TPD52: variants seen among roughly 807,000 people sequenced by gnomAD.
The protein encoded by TPD52 is prostate and colon associated protein.
A neutral mutation model predicts 31.3 loss-of-function variants in TPD52; 17 were observed. The ratio of observed to expected loss-of-function variants is 0.54; its 90% CI spans 0.37 to 0.82. TPD52 has a LOEUF of 0.82. TPD52 is among the 40% of genes least tolerant of loss of function. The pLI is 0.00. For synonymous variants in TPD52, 83 were observed against 89.6 expected, an observed-to-expected ratio of 0.93 and a Z score of 0.42; for missense variants, 212 against 240.1, an observed-to-expected ratio of 0.88 and a Z score of 0.77.
intron 1 of TPD52, among the ~76,000 whole-genome samples, chr8:80,150,321 T>A (rs1810482662): frequency 6.6e-6 from 1 of 152,216 alleles, no homozygotes; most frequent in Non-Finnish European, 1.5e-5. Context: ...CAGGCAGAAG[T>A]TAGCTGCAGA....
At chr8:80,097,911 A>C (rs531995307) in intron 1 of TPD52, among the ~76,000 whole-genome samples, 1 of 152,342 alleles carries the variant, frequency 6.6e-6, no homozygotes, top group African/African-American at 2.4e-5. Flanking sequence ...CTTAGGAGCT[A>C]ATGTAGCCAG....
chr8:80,048,010 G>A (rs1267839769), intron 5 of TPD52, among the ~76,000 whole-genome samples: 2 of 152,110 alleles, frequency 1.3e-5, no homozygotes, highest in Non-Finnish European at 2.9e-5. Flanking sequence ...TTCTTTTAAA[G>A]TTTCCCTCAA....
chr8:80,047,710 C>T (rs1329324042), intron 5 of TPD52, among the ~76,000 whole-genome samples: 3 of 152,108 alleles, frequency 2.0e-5, no homozygotes, highest in Admixed American at 1.3e-4. Flanking sequence ...TTTTCTGACA[C>T]GAGGAAAGAG....
intron 1 of TPD52, among the ~76,000 whole-genome samples, chr8:80,131,439 C>T (rs1809010773): frequency 6.6e-6 from 1 of 152,188 alleles, no homozygotes; most frequent in Non-Finnish European, 1.5e-5. Flanking sequence ...CTTTTAAGTG[C>T]TAATCTGGTA....
intron 1 of TPD52, among the ~76,000 whole-genome samples, chr8:80,081,243 C>A (rs16907441): frequency 0.2 from 30,727 of 150,850 alleles, 3,386 homozygotes; most frequent in South Asian, 0.32. Flanking sequence ...TGGAAAGCTC[C>A]CGGGTATTCC....
intron 1 of TPD52, among the ~76,000 whole-genome samples, chr8:80,150,419 C>T (rs1260271175): frequency 6.6e-6 from 1 of 152,236 alleles, no homozygotes; most frequent in Non-Finnish European, 1.5e-5. Flanking sequence ...CACTGGGACA[C>T]TGCCTAGTGG....
intron 2 of TPD52, among the ~76,000 whole-genome samples, chr8:80,056,515 A>T (rs1811903620): frequency 6.6e-6 from 1 of 152,220 alleles, no homozygotes; most frequent in Non-Finnish European, 1.5e-5. Context: ...ACTCAATAAA[A>T]AGACAATCCA....
intron 1 of TPD52, among the ~76,000 whole-genome samples, chr8:80,119,545 T>C (rs1370079373): frequency 1.3e-5 from 2 of 152,132 alleles, no homozygotes; most frequent in Non-Finnish European, 2.9e-5. Flanking sequence ...GGAAAAAAAG[T>C]CAAGAAATTT....
intron 1 of TPD52, among the ~76,000 whole-genome samples, chr8:80,128,560 C>G (rs553568895): frequency 6.7e-6 from 1 of 150,268 alleles, no homozygotes; most frequent in African/African-American, 2.5e-5. Context: ...ACTCAGGAGG[C>G]TGAGGTGGGA....
chr8:80,065,830 T>C (rs1156794453), intron 1 of TPD52, among the ~76,000 whole-genome samples: 1 of 152,212 alleles, frequency 6.6e-6, no homozygotes, highest in African/African-American at 2.4e-5. Context: ...GTATATTATT[T>C]GACGACTAAG....
intron 5 of TPD52, among the ~76,000 whole-genome samples, chr8:80,044,458 T>G (rs544812905): frequency 6.6e-6 from 1 of 152,292 alleles, no homozygotes; most frequent in Admixed American, 6.5e-5. Flanking sequence ...CTTTGAAAAC[T>G]AAAGTGCTTT....
In TPD52 at chr8:80,080,553, T is replaced by G. The variant is rs56119783; in HGVS notation, c.20-15960A>C. The G allele has an allele frequency of 6.8e-3, 10,089 of 1,489,724 alleles. 537 individuals are homozygous for G. The African/African-American group carries it at 0.12, about 18-fold the overall frequency. The allele number at this position is 1,489,724 out of a possible 1,614,324, so 92.3% of individuals were successfully genotyped here. On this transcript the variant is annotated intron_variant, in intron 1 of 7. Coordinates refer to ENST00000518937, the MANE Select transcript of TPD52 (RefSeq NM_001025253.3). ...TTCCCTTTGTAGGGTGCAACTTCACTGAAGAAATCAACCCCAGGAGTTAGA... is the reference window on the plus strand; with the variant it reads ...TTCCCTTTGTAGGGTGCAACTTCACGGAAGAAATCAACCCCAGGAGTTAGA...
rs1309230865 is a variant in TPD52 at position 80,035,641 on chromosome 8, C to T, written c.*2475G>A. The T allele has an allele frequency of 6.6e-6, 1 of 151,958 alleles. No homozygotes were observed. The highest frequency in any genetic ancestry group is 1.5e-5 in the Non-Finnish European group (1 of 67,980). The allele number at this position is 151,958 out of a possible 1,614,324, so 9.4% of individuals were successfully genotyped here. On this transcript the variant is annotated 3_prime_UTR_variant, in exon 8 of 8. Coordinates refer to ENST00000518937, the MANE Select transcript of TPD52 (RefSeq NM_001025253.3). Reference sequence around the variant, plus strand: ...ATTCTAAGTTGCTAAGGTGATAATCCAGTTTTGAGCTCTACTCTCTTCCAC... The same window carrying T: ...ATTCTAAGTTGCTAAGGTGATAATCTAGTTTTGAGCTCTACTCTCTTCCAC...
chr8:80,122,135 G>A (rs544264902), intron 1 of TPD52, among the ~76,000 whole-genome samples: 2 of 152,006 alleles, frequency 1.3e-5, no homozygotes, highest in African/African-American at 4.8e-5. Context: ...GTTCTCTCAA[G>A]AGAACAAGGA....
intron 1 of TPD52, among the ~76,000 whole-genome samples, chr8:80,116,769 A>G (rs1157048608): frequency 8.5e-6 from 1 of 117,964 alleles, no homozygotes; most frequent in Non-Finnish European, 1.7e-5. Flanking sequence ...ACCATTATCT[A>G]GGAATGTTAA....
intron 1 of TPD52, among the ~76,000 whole-genome samples, chr8:80,130,680 T>C (rs569754109): frequency 1.3e-5 from 2 of 152,284 alleles, no homozygotes; most frequent in South Asian, 4.1e-4. Context: ...TTCTGCGGCA[T>C]GACTTAGAAA....
At chr8:80,041,553 G>T (rs1384357451) in intron 7 of TPD52, among the ~76,000 whole-genome samples, 1 of 152,126 alleles carries the variant, frequency 6.6e-6, no homozygotes, top group Non-Finnish European at 1.5e-5. Context: ...GAATAGATGG[G>T]AACTAGACAA....
intron 1 of TPD52, chr8:80,171,081 G>A (rs1812052262): frequency 1.7e-6 from 1 of 597,346 alleles, no homozygotes; most frequent in East Asian, 3.2e-5. Context: ...TACAGGAGCT[G>A]GCTGCGCCGT....
chr8:80,168,673 A>G (rs1478385258), intron 1 of TPD52, among the ~76,000 whole-genome samples: 2 of 152,230 alleles, frequency 1.3e-5, no homozygotes, highest in Non-Finnish European at 2.9e-5. Context: ...CATCCACTCT[A>G]CTAGTTCTAA....
Sources: allele counts gnomAD v4.1 joint callset (sites outside exome capture counted in the v4.1 genomes callset), GRCh38; gene constraint gnomAD v4.1.1; transcripts MANE v1.5; gene names NCBI Gene and HGNC (gene_info 2026-07-23, HGNC 2026-07-21).